Variants in MYO10 observed in about 807,000 individuals in gnomAD.
MYO10 encodes the protein myosin X.
Under a neutral mutation model 257.3 loss-of-function variants are expected in MYO10, and 133 were observed. The observed-to-expected ratio is 0.52, with a 90% confidence interval of 0.45 to 0.60. The LOEUF (loss-of-function observed/expected upper bound fraction) is 0.60, where lower values mean the gene tolerates loss of function less well. Among genes scored for constraint, MYO10 ranks in the 20% least tolerant of loss-of-function variants. The pLI is 0.00. For missense variants in MYO10, 2,399 were observed against 2,635.7 expected (o/e 0.91, Z 1.97); for synonymous variants, 1,104 against 1,028.6 (o/e 1.07, Z -1.40).
chr5:16,700,190 G>C (rs990943874), intron 25 of MYO10, among the ~76,000 whole-genome samples: 4 of 152,096 alleles, frequency 2.6e-5, no homozygotes, highest in Admixed American at 2.6e-4. Flanking sequence ...GCCACTATAA[G>C]AAATAACATC....
At chr5:16,793,099 G>A (rs1316957775) in intron 4 of MYO10, among the ~76,000 whole-genome samples, 2 of 152,178 alleles carry the variant, frequency 1.3e-5, no homozygotes, top group Non-Finnish European at 2.9e-5. Flanking sequence ...TACCCCGTGA[G>A]TGAACTCCTG....
At chr5:16,786,943 G>A (rs973536032) in intron 4 of MYO10, among the ~76,000 whole-genome samples, 7 of 152,082 alleles carry the variant, frequency 4.6e-5, no homozygotes, top group Admixed American at 4.6e-4. Flanking sequence ...CCAAGACAGG[G>A]AGATCACTTA....
At chr5:16,679,817 G>GC (rs3217321) in intron 33 of MYO10, 130 bp downstream of exon 33, 446,734 of 1,242,322 alleles carry the variant, frequency 0.36, 82,671 homozygotes, top group South Asian at 0.44. Context: ...GAGCCACCGT[G>GC]CCGGCCAACC....
At chr5:16,832,774 T>C (rs996152578) in intron 2 of MYO10, among the ~76,000 whole-genome samples, 1 of 152,252 alleles carries the variant, frequency 6.6e-6, no homozygotes, top group Admixed American at 6.5e-5. Flanking sequence ...AACACCTTGA[T>C]GTTTCACAAG....
chr5:16,808,298 A>C (rs1047569226), intron 3 of MYO10, among the ~76,000 whole-genome samples: 3 of 152,036 alleles, frequency 2.0e-5, no homozygotes, highest in Non-Finnish European at 4.4e-5. Flanking sequence ...CTCCATCTCT[A>C]CAAAAAATTT....
intron 2 of MYO10, among the ~76,000 whole-genome samples, chr5:16,834,315 T>C (rs961654948): frequency 3.3e-5 from 5 of 152,188 alleles, no homozygotes; most frequent in African/African-American, 1.2e-4. Flanking sequence ...TTCCAGCTCA[T>C]ATGCCGAAGT....
Position 16,877,645 on chromosome 5 carries a change from T to C in MYO10, c.84A>G (p.Ala28=), listed in dbSNP as rs771390616. The C allele has an allele frequency of 6.2e-7, 1 of 1,613,914 alleles. No individual in the cohort carries two copies. The highest frequency in any genetic ancestry group is 8.5e-7 in the Non-Finnish European group (1 of 1,179,872). ...QHFPSTVNSC[A]EGIVVFRTDY... is the part of the protein sequence containing the mutation. ...CTGTCCGGAAGACGACGATGCCTTC[T>C]GCACAGGAATTTACAGTACTTGGAA... The change falls in exon 2 of 41, where the codon GCA becomes GCG. Residue 28 remains alanine (A), a synonymous_variant. Coordinates refer to ENST00000513610, the MANE Select transcript of MYO10 (RefSeq NM_012334.3).
chr5:16,823,104 G>A (rs1742878326), intron 2 of MYO10, among the ~76,000 whole-genome samples: 1 of 151,836 alleles, frequency 6.6e-6, no homozygotes, highest in African/African-American at 2.4e-5. Flanking sequence ...CAGGGTATTA[G>A]TCGTGCAAGG....
At chr5:16,898,561 C>T (rs1000996998) in intron 1 of MYO10, among the ~76,000 whole-genome samples, 4 of 151,736 alleles carry the variant, frequency 2.6e-5, no homozygotes, top group Non-Finnish European at 5.9e-5. Flanking sequence ...TACAGGGGCC[C>T]GCCACACCCG....
chr5:16,711,671 A>G (rs58989958), intron 19 of MYO10, among the ~76,000 whole-genome samples: 38,643 of 151,590 alleles, frequency 0.25, 5,283 homozygotes, highest in East Asian at 0.35. Flanking sequence ...AGTCCCAGCT[A>G]CTCGGGAGGC....
rs1232549741 is a variant in MYO10, at chr5:16,694,574, G to A, written c.3597C>T (p.Leu1199=). 6.2e-7 allele frequency: 1 copy of A among 1,613,944 alleles called. No individual in the cohort carries two copies. Among genetic ancestry groups the A allele is most frequent in the African/African-American group, 1.3e-5 (1 of 75,040 alleles). ...GGAACCACAAGAAGGTTTCATCCTT[G>A]AGGACGCACCAGCGGCGTTTCCAAG... is the stretch of plus-strand genomic sequence containing the variant. The part of the protein sequence containing the change: ...MNSWKRRWCV[L]KDETFLWFRS... The change falls in exon 27 of 41, where the codon CTC becomes CTT. Residue 1199 remains leucine (L), a synonymous_variant. Transcript: ENST00000513610.
chr5:16,905,710 G>A (rs1269780124), intron 1 of MYO10, among the ~76,000 whole-genome samples: 2 of 152,132 alleles, frequency 1.3e-5, no homozygotes, highest in African/African-American at 4.8e-5. Flanking sequence ...GTGACACCAA[G>A]CGATCTTCTT....
At chr5:16,898,686 G>T (rs1745287334) in intron 1 of MYO10, among the ~76,000 whole-genome samples, 1 of 151,680 alleles carries the variant, frequency 6.6e-6, no homozygotes. Context: ...TGGGATTACA[G>T]GTGTGAGCCA....
chr5:16,723,034 G>C (rs1053680204), intron 19 of MYO10, among the ~76,000 whole-genome samples: 1 of 152,154 alleles, frequency 6.6e-6, no homozygotes, highest in Non-Finnish European at 1.5e-5. Context: ...CACCAAAGAA[G>C]ATAGGCTAAT....
chr5:16,720,022 GTA>G lies in MYO10; in HGVS notation c.1930-8779_1930-8778del, dbSNP rs1554039284. On this transcript the variant is annotated intron_variant, in intron 19 of 40. Coordinates refer to ENST00000513610, the MANE Select transcript of MYO10 (RefSeq NM_012334.3). ...TGTGTGTGTGTGTGTGTGTGTGTGT[GTA>G]TATGTATGTATGTATTAGAAGCCTC... Among the ~76,000 whole-genome samples the G allele has an allele frequency of 8.6e-3, 1,217 of 142,104 alleles. 16 individuals are homozygous for G. Among genetic ancestry groups the G allele is most frequent in the African/African-American group, 0.027 (888 of 33,494 alleles). The allele number at this position is 142,104 out of a possible 152,430, so 93.2% of individuals were successfully genotyped here.
At chr5:16,764,167 A>G in intron 12 of MYO10, 83 bp downstream of exon 12, 1 of 1,478,452 alleles carries the variant, frequency 6.8e-7, no homozygotes, top group South Asian at 1.3e-5. Flanking sequence ...AGAAAAAAAA[A>G]GAGTTTGCTC....
intron 2 of MYO10, among the ~76,000 whole-genome samples, chr5:16,837,387 A>G (rs1266400522): frequency 5.3e-5 from 8 of 152,196 alleles, no homozygotes; most frequent in Admixed American, 3.9e-4. Flanking sequence ...GCTATATATT[A>G]TTATGTTTCC....
At chr5:16,881,391 GCCCTTTGTTGACACAGT>G (rs1744751739) in intron 1 of MYO10, among the ~76,000 whole-genome samples, 1 of 152,092 alleles carries the variant, frequency 6.6e-6, no homozygotes, top group Non-Finnish European at 1.5e-5. Context: ...TACTACAAAA[GCCCTTTGTTGACACAGT>G]GCTTTATGAT....
At chr5:16,800,782 A>T (rs1050414051) in intron 3 of MYO10, among the ~76,000 whole-genome samples, 3 of 152,184 alleles carry the variant, frequency 2.0e-5, no homozygotes, top group African/African-American at 7.2e-5. Context: ...GTGGAATGAA[A>T]GGCTTTTCCT....
Sources: allele counts gnomAD v4.1 joint callset (sites outside exome capture counted in the v4.1 genomes callset), GRCh38; gene constraint gnomAD v4.1.1; transcripts MANE v1.5; gene names NCBI Gene and HGNC (gene_info 2026-07-23, HGNC 2026-07-21).